Variants in GSTO2 observed in about 807,000 individuals in gnomAD.
GSTO2 encodes glutathione S-transferase omega 2.
Under a neutral mutation model 28.4 loss-of-function variants are expected in GSTO2, and 23 were observed. The ratio of observed to expected loss-of-function variants is 0.81; its 90% confidence interval spans 0.58 to 1.15. The LOEUF (loss-of-function observed/expected upper bound fraction) is 1.15. Among genes scored for constraint, GSTO2 ranks in the 50% most tolerant of loss-of-function variants. The pLI is 0.00. For missense variants in GSTO2, 298 were observed against 297.8 expected, an observed-to-expected ratio of 1.00 and a Z score of 0.00; for synonymous variants, 109 against 111.0, an observed-to-expected ratio of 0.98 and a Z score of 0.11.
chr10:104,285,406 T>C (rs1259563867), intron 5 of GSTO2, among the ~76,000 whole-genome samples: 1 of 151,780 alleles, frequency 6.6e-6, no homozygotes. Context: ...GTAGCTGGGA[T>C]TACAGGCTGA....
chr10:104,304,139 T>G lies in GSTO2; in HGVS notation c.*4855T>G, dbSNP rs574559156. On this transcript the variant is annotated 3_prime_UTR_variant, in exon 7 of 7. Coordinates refer to ENST00000338595, the MANE Select transcript of GSTO2 (RefSeq NM_183239.2). ...ATATCCAGCCCAGTGCAGTTCTCAA[T>G]GAGTAGTCTCCAGTTCCCATCCCCC... is the stretch of plus-strand genomic sequence containing the variant. 6.6e-6 allele frequency: 1 copy of G among 152,420 alleles called. No homozygotes were observed. Among genetic ancestry groups the G allele is most frequent in the South Asian group, 2.1e-4 (1 of 4,830 alleles). The allele number at this position is 152,420 out of a possible 1,614,324, so 9.4% of individuals were successfully genotyped here.
At position 104,301,328 on chromosome 10, in the gene GSTO2, T is replaced by C. The variant is rs1190399875; in HGVS notation, c.*2044T>C. The C allele has an allele frequency of 6.6e-6, 1 of 152,198 alleles. No individual in the cohort carries two copies. Among genetic ancestry groups the C allele is most frequent in the East Asian group, 1.9e-4 (1 of 5,190 alleles). 9.4% of individuals were successfully genotyped at this position (152,198 alleles called of 1,614,324 possible). On this transcript the variant is annotated 3_prime_UTR_variant, in exon 7 of 7. Transcript: ENST00000338595. Reference sequence around the variant, plus strand: ...TTTAGAAAGCTTGAAGAACCAGGAATTATAGAATGGAGAAAAGCACTCATG... The same window carrying C: ...TTTAGAAAGCTTGAAGAACCAGGAACTATAGAATGGAGAAAAGCACTCATG...
At chr10:104,284,125 C>T (rs1018435194) in intron 5 of GSTO2, among the ~76,000 whole-genome samples, 9 of 151,440 alleles carry the variant, frequency 5.9e-5, no homozygotes, top group Admixed American at 2.0e-4. Context: ...TTTGGGAGGC[C>T]GAGGCGGGCA....
rs2013275389 is a variant in GSTO2 at position 104,302,141 on chromosome 10, C to G, written c.*2857C>G. On this transcript the variant is annotated 3_prime_UTR_variant, in exon 7 of 7. Transcript: ENST00000338595. ...AAAGAGGGAAAAACTCCTTATAAAACCATTAGATCTCATGAGAACTCACTC... is the reference window on the plus strand; with the variant it reads ...AAAGAGGGAAAAACTCCTTATAAAAGCATTAGATCTCATGAGAACTCACTC... 1 of 152,124 alleles carries G rather than the reference C, an allele frequency of 6.6e-6. No homozygotes were observed. Among genetic ancestry groups the G allele is most frequent in the South Asian group, 2.1e-4 (1 of 4,820 alleles). The allele number at this position is 152,124 out of a possible 1,614,324, so 9.4% of individuals were successfully genotyped here.
intron 1 of GSTO2, among the ~76,000 whole-genome samples, chr10:104,271,588 T>C (rs1288060011): frequency 4.6e-5 from 7 of 152,224 alleles, no homozygotes; most frequent in Non-Finnish European, 1.0e-4. Flanking sequence ...CCCATTGGGC[T>C]CCAGGGCCTG....
intron 5 of GSTO2, chr10:104,291,386 T>C (rs2135133387): frequency 6.6e-6 from 1 of 152,402 alleles, no homozygotes; most frequent in South Asian, 2.1e-4. Flanking sequence ...TTATTGAGGC[T>C]GAACCAAAGA....
chr10:104,288,343 T>A (rs750332585), intron 5 of GSTO2: 1 of 152,324 alleles, frequency 6.6e-6, no homozygotes, highest in South Asian at 2.1e-4. Context: ...TAAAAAGCAT[T>A]TTCTCTATTT....
In GSTO2 at chr10:104,301,538, T is replaced by C. The variant is rs2013257666; in HGVS notation, c.*2254T>C. 1 of 152,072 alleles carries C rather than the reference T, an allele frequency of 6.6e-6. No homozygotes were observed. The highest frequency in any genetic ancestry group is 1.5e-5 in the Non-Finnish European group (1 of 67,998). The allele number at this position is 152,072 out of a possible 1,614,324, so 9.4% of individuals were successfully genotyped here. On this transcript the variant is annotated 3_prime_UTR_variant, in exon 7 of 7. Transcript: ENST00000338595. The stretch of plus-strand genomic sequence containing the variant: ...TGAGTTATCAATCTTTGAATAAAAC[T>C]AGAAGGATGTGGCCTGGAGAAAAGA...
chr10:104,285,961 T>C (rs2135120604), intron 5 of GSTO2: 1 of 372,186 alleles, frequency 2.7e-6, no homozygotes, highest in South Asian at 2.0e-5. Flanking sequence ...AGTTTATACC[T>C]GGTTAATTCG....
At position 104,298,082 on chromosome 10, in the gene GSTO2, A is replaced by G. The variant is rs564558834; in HGVS notation, c.575+398A>G. 5.9e-5 allele frequency among the ~76,000 whole-genome samples: 9 copies of G among 152,342 alleles called. No individual in the cohort carries two copies. The South Asian group carries it at 1.9e-3, about 32-fold the overall frequency. On this transcript the variant is annotated intron_variant, in intron 6 of 6. Coordinates refer to ENST00000338595, the MANE Select transcript of GSTO2 (RefSeq NM_183239.2). The stretch of plus-strand genomic sequence containing the variant: ...TAGTCATGTCTCATTGCCCGGAGGA[A>G]TCTTCCCCCAGATAGGAATAACCTT...
chr10:104,274,106 G>A (rs1412889055), intron 1 of GSTO2, among the ~76,000 whole-genome samples: 2 of 152,170 alleles, frequency 1.3e-5, no homozygotes, highest in Non-Finnish European at 2.9e-5. Flanking sequence ...TATATGGCTG[G>A]GCTGTTGGCA....
Position 104,279,394 on chromosome 10 carries a change from C to T in GSTO2, c.391C>T (p.Leu131=), listed in dbSNP as rs1273255159. 8.7e-6 allele frequency: 14 copies of T among 1,613,896 alleles called. No homozygotes were observed. Among genetic ancestry groups the T allele is most frequent in the African/African-American group, 2.7e-5 (2 of 74,918 alleles). The change falls in exon 5 of 7, where the codon CTG becomes TTG. Residue 131 remains leucine, a synonymous_variant. Coordinates refer to ENST00000338595, the MANE Select transcript of GSTO2 (RefSeq NM_183239.2). The part of the protein sequence containing the change: ...CKVPHLTKEC[L]VALRCGRECT... ...GGTCCCACATTTGACCAAGGAGTGC[C>T]TGGTAGCGTTGAGATGTGGGAGAGA...
At chr10:104,270,550 G>A (rs2011347213) in intron 1 of GSTO2, among the ~76,000 whole-genome samples, 1 of 152,060 alleles carries the variant, frequency 6.6e-6, no homozygotes, top group Non-Finnish European at 1.5e-5. Flanking sequence ...GGATAGGGAA[G>A]CAGAATCAAG....
chr10:104,281,895 A>G (rs767739048), intron 5 of GSTO2, among the ~76,000 whole-genome samples: 1 of 152,082 alleles, frequency 6.6e-6, no homozygotes, highest in Non-Finnish European at 1.5e-5. Context: ...GACTCTTAGG[A>G]TGAATTAGAG....
chr10:104,284,570 G>A (rs971700347), intron 5 of GSTO2, among the ~76,000 whole-genome samples: 4 of 152,148 alleles, frequency 2.6e-5, no homozygotes, highest in African/African-American at 9.7e-5. Flanking sequence ...TGCACTTTAT[G>A]TCTTCAAGCA....
chr10:104,272,428 T>A (rs545274961), intron 1 of GSTO2, among the ~76,000 whole-genome samples: 2 of 152,220 alleles, frequency 1.3e-5, no homozygotes, highest in South Asian at 4.1e-4. Flanking sequence ...TCATGGCATC[T>A]GATAAAGACT....
intron 5 of GSTO2, among the ~76,000 whole-genome samples, chr10:104,288,924 A>G (rs2012609475): frequency 6.6e-6 from 1 of 152,188 alleles, no homozygotes; most frequent in African/African-American, 2.4e-5. Flanking sequence ...ATGTGCTATG[A>G]TTTCCTCCAC....
chr10:104,288,846 T>G (rs905141872), intron 5 of GSTO2, among the ~76,000 whole-genome samples: 1 of 152,204 alleles, frequency 6.6e-6, no homozygotes, highest in East Asian at 1.9e-4. Context: ...GACTTTTAAT[T>G]TGGCTTATAT....
In GSTO2 at chr10:104,301,488, C is replaced by T. The variant is rs1183089372; in HGVS notation, c.*2204C>T. 1 of 152,152 alleles carries T rather than the reference C, an allele frequency of 6.6e-6. No individual in the cohort carries two copies. The highest frequency in any genetic ancestry group is 1.5e-5 in the Non-Finnish European group (1 of 68,032). The allele number at this position is 152,152 out of a possible 1,614,324, so 9.4% of individuals were successfully genotyped here. A position where few individuals can be genotyped will look rare whatever the true frequency, so the allele number is the denominator to read the frequency against. ...CACTTCCTCCATCTCGCTTCTTTGT[C>T]ACTTGTCTGACCCACAGAGAAAACT... On this transcript the variant is annotated 3_prime_UTR_variant, in exon 7 of 7. Transcript: ENST00000338595.
Sources: gnomAD v4.1 joint callset for allele counts (sites outside exome capture counted in the v4.1 genomes callset) on GRCh38, gnomAD v4.1.1 for gene constraint, MANE v1.5 for transcripts, NCBI Gene and HGNC (gene_info 2026-07-23, HGNC 2026-07-21) for gene names.